GRIK4: variants seen among roughly 807,000 people sequenced by gnomAD.
GRIK4 encodes glutamate receptor ionotropic, kainate 4.
Under a neutral mutation model 104.9 loss-of-function variants are expected in GRIK4, and 40 were observed. The observed-to-expected ratio is 0.38, with a 90% CI of 0.30 to 0.50. GRIK4 has a LOEUF of 0.50. Among genes scored for constraint, GRIK4 ranks in the 20% least tolerant of loss-of-function variants. The pLI, the probability that GRIK4 is intolerant of heterozygous loss-of-function variation, is 0.93. For synonymous variants in GRIK4, 485 were observed against 524.9 expected (o/e 0.92, Z 1.04); for missense variants, 1,047 against 1,308.1 (o/e 0.80, Z 3.08).
In GRIK4 at chr11:120,524,352, A is replaced by G. The variant is rs1224530571; in HGVS notation, c.-159+12465A>G. ...TGGACTCTGGAGCCCTAGACTAGCA[A>G]TGAGCCTTGACTCTGGAAAGCTTGG... is the stretch of plus-strand genomic sequence containing the variant. On this transcript the variant is annotated intron_variant, in intron 1 of 20. Coordinates refer to ENST00000527524, the MANE Select transcript of GRIK4 (RefSeq NM_014619.5). The surrounding 1 kb of genome is among the most constrained non-coding windows in gnomAD (Gnocchi z 4.5). 1.3e-5 allele frequency among the ~76,000 whole-genome samples: 2 copies of G among 152,268 alleles called. No homozygotes were observed. The highest frequency in any genetic ancestry group is 2.9e-5 in the Non-Finnish European group (2 of 68,016).
chr11:120,748,030 G>A (rs540456809), intron 3 of GRIK4, among the ~76,000 whole-genome samples: 2 of 152,278 alleles, frequency 1.3e-5, no homozygotes, highest in East Asian at 1.9e-4. Flanking sequence ...GTGGATTAAT[G>A]TAGCTAATTC....
chr11:120,755,168 G>C (rs1389238503), intron 3 of GRIK4, among the ~76,000 whole-genome samples: 1 of 152,294 alleles, frequency 6.6e-6, no homozygotes, highest in East Asian at 1.9e-4. Flanking sequence ...GCCAGGCCCT[G>C]GGGGTAGAGA....
intron 3 of GRIK4, among the ~76,000 whole-genome samples, chr11:120,786,059 C>G (rs1351811781): frequency 6.6e-6 from 1 of 152,236 alleles, no homozygotes; most frequent in East Asian, 1.9e-4. Context: ...AAGTCCTCCC[C>G]TGCCTTGTGC....
chr11:120,734,326 A>C lies in GRIK4; in HGVS notation c.83-68367A>C, dbSNP rs190446030. On this transcript the variant is annotated intron_variant, in intron 3 of 20. Transcript: ENST00000527524. ...CACTGAATATATTATTCTAGGGTAA[A>C]AGTTTTTTTCCTTCAGTACTTTAAA... is the stretch of plus-strand genomic sequence containing the variant. 1.3e-4 allele frequency among the ~76,000 whole-genome samples: 20 copies of C among 152,240 alleles called. 1 individual carries two copies. The highest frequency in any genetic ancestry group is 1.2e-3 in the Admixed American group (18 of 15,298).
chr11:120,665,616 G>A (rs764059076), intron 3 of GRIK4, among the ~76,000 whole-genome samples: 12 of 152,116 alleles, frequency 7.9e-5, no homozygotes, highest in East Asian at 3.8e-4. Context: ...GAGCTGACCC[G>A]TCAGTTTGCA....
chr11:120,532,699 C>CA lies in GRIK4; in HGVS notation c.-159+20813dup, dbSNP rs1947935343. 5.3e-5 allele frequency among the ~76,000 whole-genome samples: 8 copies of CA among 152,340 alleles called. No individual in the cohort carries two copies. In the South Asian group the frequency reaches 1.7e-3, roughly 32 times the overall value. ...TCTGGCACTGGCCTTGGCCTTCTTGCAGTTACTAGTCCCTCCCAAGTGGAT... is the reference window on the plus strand; with the variant it reads ...TCTGGCACTGGCCTTGGCCTTCTTGCAAGTTACTAGTCCCTCCCAAGTGGAT... On this transcript the variant is annotated intron_variant, in intron 1 of 20. Transcript: ENST00000527524.
chr11:120,949,654 G>A lies in GRIK4; in HGVS notation c.1591-3201G>A, dbSNP rs111521198. On this transcript the variant is annotated intron_variant, in intron 14 of 20. Coordinates refer to ENST00000527524, the MANE Select transcript of GRIK4 (RefSeq NM_014619.5). ...AGTTTGCTGGCATTGGGGAGAAGGCGTGGGATTAATTAGGGAATTTATTGG... is the reference window on the plus strand; with the variant it reads ...AGTTTGCTGGCATTGGGGAGAAGGCATGGGATTAATTAGGGAATTTATTGG... Among the ~76,000 whole-genome samples, 412 of 152,290 alleles carry A rather than the reference G, an allele frequency of 2.7e-3. 6 individuals carry two copies. The highest frequency in any genetic ancestry group is 9.5e-3 in the African/African-American group (396 of 41,552).
At chr11:120,551,460 C>CAT (rs1050199917) in intron 1 of GRIK4, among the ~76,000 whole-genome samples, 2 of 152,188 alleles carry the variant, frequency 1.3e-5, no homozygotes, top group Admixed American at 6.5e-5. Context: ...GCATCCAGAT[C>CAT]ATACCCTTTT....
chr11:120,932,545 T>C (rs1439308346), intron 13 of GRIK4, among the ~76,000 whole-genome samples: 3 of 152,202 alleles, frequency 2.0e-5, no homozygotes, highest in African/African-American at 7.2e-5. Context: ...AGCCTCATTT[T>C]CACAGCCTCA....
At chr11:120,918,940 T>C (rs1397116953) in intron 13 of GRIK4, among the ~76,000 whole-genome samples, 1 of 152,202 alleles carries the variant, frequency 6.6e-6, no homozygotes, top group Non-Finnish European at 1.5e-5. Flanking sequence ...TGATAAATAT[T>C]ATTATTCATA....
chr11:120,713,358 G>A (rs1950772721), intron 3 of GRIK4, among the ~76,000 whole-genome samples: 1 of 152,138 alleles, frequency 6.6e-6, no homozygotes, highest in Admixed American at 6.5e-5. Context: ...AGCATGCTCT[G>A]TGGGTTGTCA....
At chr11:120,860,788 GT>G (rs1018188465) in intron 8 of GRIK4, among the ~76,000 whole-genome samples, 3 of 152,138 alleles carry the variant, frequency 2.0e-5, no homozygotes, top group Non-Finnish European at 4.4e-5. Context: ...AAACCTTCAG[GT>G]TGAGGTTCTT....
chr11:120,753,243 G>A (rs1005397345), intron 3 of GRIK4, among the ~76,000 whole-genome samples: 1 of 152,144 alleles, frequency 6.6e-6, no homozygotes, highest in African/African-American at 2.4e-5. Context: ...GCTTAAGGCT[G>A]GGGAGCAGAG....
At chr11:120,885,499 T>C (rs1248513831) in intron 11 of GRIK4, among the ~76,000 whole-genome samples, 1 of 152,026 alleles carries the variant, frequency 6.6e-6, no homozygotes, top group Non-Finnish European at 1.5e-5. Flanking sequence ...GATTCTCTTG[T>C]CTCAAGCTCC....
chr11:120,778,301 G>A (rs1372878096), intron 3 of GRIK4, among the ~76,000 whole-genome samples: 2 of 152,152 alleles, frequency 1.3e-5, no homozygotes, highest in African/African-American at 4.8e-5. Flanking sequence ...AGACAGGATC[G>A]GGACTCTAAC....
intron 1 of GRIK4, among the ~76,000 whole-genome samples, chr11:120,628,933 T>C (rs1240085298): frequency 6.6e-6 from 1 of 152,232 alleles, no homozygotes; most frequent in African/African-American, 2.4e-5. Flanking sequence ...TACGCTGTGC[T>C]AGGACACTCA....
At chr11:120,616,300 C>T (rs1949113162) in intron 1 of GRIK4, among the ~76,000 whole-genome samples, 1 of 152,162 alleles carries the variant, frequency 6.6e-6, no homozygotes, top group African/African-American at 2.4e-5. Flanking sequence ...GACCACTCAG[C>T]TTGTGGGTCA....
chr11:120,738,102 C>T (rs917388209), intron 3 of GRIK4, among the ~76,000 whole-genome samples: 2 of 152,018 alleles, frequency 1.3e-5, no homozygotes, highest in East Asian at 3.9e-4. Flanking sequence ...GAGAGGGAGC[C>T]GCCACGGAGG....
chr11:120,977,143 A>G (rs865969416), intron 19 of GRIK4, among the ~76,000 whole-genome samples: 1 of 152,226 alleles, frequency 6.6e-6, no homozygotes, highest in Non-Finnish European at 1.5e-5. Flanking sequence ...GTTAGTATTT[A>G]GCCAACCAGG....
Sources: allele counts gnomAD v4.1 joint callset (sites outside exome capture counted in the v4.1 genomes callset), GRCh38; gene constraint gnomAD v4.1.1; non-coding constraint Gnocchi (gnomAD v3.1); transcripts MANE v1.5; gene names NCBI Gene and HGNC (gene_info 2026-07-23, HGNC 2026-07-21).